The following CASP8 variants were observed in gnomAD, a reference collection of about 807,000 sequenced individuals.
CASP8 encodes the protein caspase-8.
Under a neutral mutation model 46.3 loss-of-function variants are expected in CASP8, and 24 were observed. That is an observed-to-expected ratio of 0.52 (90% CI 0.38 to 0.73). The LOEUF is 0.73. Ranked by LOEUF, CASP8 falls within the 30% of genes least tolerant of loss-of-function variation. The pLI, the probability that CASP8 is intolerant of heterozygous loss-of-function variation, is 0.00. For synonymous variants in CASP8, 188 were observed against 200.4 expected, an observed-to-expected ratio of 0.94 and a Z score of 0.52; for missense variants, 460 against 559.0, an observed-to-expected ratio of 0.82 and a Z score of 1.79.
chr2:201,275,251 G>T (rs575215976), intron 6 of CASP8, among the ~76,000 whole-genome samples: 42 of 152,010 alleles, frequency 2.8e-4, no homozygotes, highest in Admixed American at 4.6e-4. Flanking sequence ...TCTAGCAGCC[G>T]TGCCAGCCTG....
At chr2:201,233,746 A>C (rs1304591333) in intron 1 of CASP8, 1 of 152,256 alleles carries the variant, frequency 6.6e-6, no homozygotes, top group Non-Finnish European at 1.5e-5. Flanking sequence ...AGTCCTCAGC[A>C]AGTGAGAGGC....
chr2:201,253,171 A>T (rs551861115), intron 2 of CASP8, among the ~76,000 whole-genome samples: 1 of 150,966 alleles, frequency 6.6e-6, no homozygotes, highest in East Asian at 2.0e-4. Context: ...AATTTTTTTG[A>T]TTTTTGGTAA....
At chr2:201,258,536 G>A (rs1947152476), upstream of CASP8, among the ~76,000 whole-genome samples, 1 of 152,152 alleles carries the variant, frequency 6.6e-6, no homozygotes, top group Non-Finnish European at 1.5e-5. Context: ...CAGGTCTCCT[G>A]TGTGGTTTCT....
At position 201,284,832 on chromosome 2, in the gene CASP8, C is replaced by T. The variant is rs1369950873; in HGVS notation, c.819C>T (p.Thr273=). ...ACTTTTCAGGGGCTTTGACCACGAC[C>T]TTTGAAGAGCTTCATTTTGAGATCA... The part of the protein sequence containing the change: ...THLDAGALTT[T]FEELHFEIKP... Residue 273 remains threonine (T), a synonymous_variant, in exon 8 of 9, where the codon ACC becomes ACT. Transcript: ENST00000673742. The T allele has an allele frequency of 1.9e-6, 3 of 1,613,978 alleles. No individual in the cohort carries two copies. In the African/African-American group the frequency reaches 4.0e-5, roughly 22 times the overall value.
At chr2:201,262,516 A>G (rs559375592) in intron 1 of CASP8, among the ~76,000 whole-genome samples, 1 of 152,204 alleles carries the variant, frequency 6.6e-6, no homozygotes, top group African/African-American at 2.4e-5. Context: ...AACATATTCA[A>G]ATTTACATAT....
intron 1 of CASP8, among the ~76,000 whole-genome samples, chr2:201,263,039 C>T (rs553517540): frequency 9.0e-4 from 137 of 152,254 alleles, no homozygotes; most frequent in Admixed American, 2.7e-3. Context: ...AGCATTGTCA[C>T]GTTGTTGAAA....
upstream of CASP8, among the ~76,000 whole-genome samples, chr2:201,260,340 A>G (rs1433661317): frequency 6.6e-6 from 1 of 152,212 alleles, no homozygotes; most frequent in Admixed American, 6.5e-5. Context: ...GCCAGGGGCC[A>G]GTGCTCAGGT....
chr2:201,239,957 T>G (rs964357431), intron 2 of CASP8, among the ~76,000 whole-genome samples: 1 of 152,220 alleles, frequency 6.6e-6, no homozygotes, highest in South Asian at 2.1e-4. Flanking sequence ...TCAGAGCATT[T>G]TGGGGACTTA....
At chr2:201,256,140 G>A (rs1947007896), upstream of CASP8, among the ~76,000 whole-genome samples, 1 of 152,232 alleles carries the variant, frequency 6.6e-6, no homozygotes, top group South Asian at 2.1e-4. Context: ...TGCTCAGATA[G>A]GAGTTCCAAA....
In CASP8 at chr2:201,272,238, G is replaced by A. The variant is rs981978246; in HGVS notation, c.412-400G>A. On this transcript the variant is annotated intron_variant, in intron 3 of 8. Coordinates refer to ENST00000673742, the MANE Select transcript of CASP8 (RefSeq NM_001372051.1). This position sits in a 1 kb window ranked among gnomAD's most constrained non-coding sequence, Gnocchi z 4.4. Reference sequence around the variant, plus strand: ...GTGTATGTGCATGTGGTGTCTGTGTGTGTGTGTCTGTGTGTCTGTATGTAC... The same window carrying A: ...GTGTATGTGCATGTGGTGTCTGTGTATGTGTGTCTGTGTGTCTGTATGTAC... Among the ~76,000 whole-genome samples, 3 of 151,996 alleles carry A rather than the reference G, an allele frequency of 2.0e-5. No homozygotes were observed. The highest frequency in any genetic ancestry group is 7.3e-5 in the African/African-American group (3 of 41,374).
chr2:201,258,084 C>CTG, upstream of CASP8: 1 of 842,606 alleles, frequency 1.2e-6, no homozygotes, highest in Non-Finnish European at 2.0e-6. Flanking sequence ...GCAGTTCCTT[C>CTG]TGTGGTGAAG....
At chr2:201,239,579 T>C (rs527633165) in intron 2 of CASP8, among the ~76,000 whole-genome samples, 1 of 152,370 alleles carries the variant, frequency 6.6e-6, no homozygotes, top group Non-Finnish European at 1.5e-5. Context: ...TCTTATCAGT[T>C]TACTTTTCTA....
intron 1 of CASP8, among the ~76,000 whole-genome samples, chr2:201,263,322 G>C (rs1198027624): frequency 1.3e-5 from 2 of 152,136 alleles, no homozygotes; most frequent in Non-Finnish European, 2.9e-5. Context: ...TCAGGAACTG[G>C]CTATGTAAAT....
chr2:201,269,476 C>G, intron 2 of CASP8: 5 of 1,506,152 alleles, frequency 3.3e-6, no homozygotes, highest in Non-Finnish European at 4.6e-6. Context: ...CGAGGGGGGT[C>G]TCATCTTGTG....
chr2:201,238,689 C>T (rs1259449561), intron 2 of CASP8, among the ~76,000 whole-genome samples: 2 of 152,110 alleles, frequency 1.3e-5, no homozygotes, highest in African/African-American at 2.4e-5. Context: ...GTAATCTGCC[C>T]GCTTTGGGCT....
intron 5 of CASP8, among the ~76,000 whole-genome samples, chr2:201,274,610 G>C (rs1948504646): frequency 6.6e-6 from 1 of 152,132 alleles, no homozygotes; most frequent in Non-Finnish European, 1.5e-5. Flanking sequence ...GAGTAGCTGG[G>C]ACTACAGGTG....
At chr2:201,239,955 T>C (rs187968858) in intron 2 of CASP8, among the ~76,000 whole-genome samples, 2 of 152,308 alleles carry the variant, frequency 1.3e-5, no homozygotes, top group Non-Finnish European at 1.5e-5. Flanking sequence ...TTTCAGAGCA[T>C]TTTGGGGACT....
chr2:201,252,900 GA>G (rs562919027), intron 2 of CASP8, among the ~76,000 whole-genome samples: 81 of 151,656 alleles, frequency 5.3e-4, no homozygotes, highest in Non-Finnish European at 8.7e-4. Context: ...TATGGAGGGG[GA>G]AAAAAAAGGA....
chr2:201,267,658 A>T (rs540268658), intron 2 of CASP8, among the ~76,000 whole-genome samples: 1 of 152,174 alleles, frequency 6.6e-6, no homozygotes, highest in Non-Finnish European at 1.5e-5. Context: ...ACAGAAACAC[A>T]TTGTCACTTT....
Sources: allele counts gnomAD v4.1 joint callset (sites outside exome capture counted in the v4.1 genomes callset), GRCh38; gene constraint gnomAD v4.1.1; non-coding constraint Gnocchi (gnomAD v3.1); transcripts MANE v1.5; gene names NCBI Gene and HGNC (gene_info 2026-07-23, HGNC 2026-07-21).